MCPH1: variants seen among roughly 807,000 people sequenced by gnomAD.
MCPH1 encodes the protein microcephalin.
In MCPH1, 104 loss-of-function variants were observed where a neutral mutation model predicts 84.5. The ratio of observed to expected loss-of-function variants is 1.23; its 90% CI spans 1.05 to 1.45. The LOEUF (loss-of-function observed/expected upper bound fraction) is 1.45. Ranked by LOEUF, MCPH1 falls within the 40% of genes most tolerant of loss-of-function variation. The pLI is 0.00. For missense variants in MCPH1, 1,498 were observed against 1,005.7 expected, an observed-to-expected ratio of 1.49 and a Z score of -6.62; for synonymous variants, 514 against 366.8, an observed-to-expected ratio of 1.40 and a Z score of -4.58.
intron 12 of MCPH1, among the ~76,000 whole-genome samples, chr8:6,590,060 A>G (rs1357197468): frequency 6.6e-6 from 1 of 152,208 alleles, no homozygotes; most frequent in Non-Finnish European, 1.5e-5. Context: ...GCACATTAGC[A>G]CGTTCTTTAT....
At chr8:6,566,954 G>A (rs1189207121) in intron 12 of MCPH1, among the ~76,000 whole-genome samples, 6 of 140,872 alleles carry the variant, frequency 4.3e-5, no homozygotes, top group South Asian at 4.6e-4. Context: ...GTGTGTGATC[G>A]GCAAGGCCAT....
At chr8:6,479,092 T>C (rs1490644969) in intron 10 of MCPH1, among the ~76,000 whole-genome samples, 2 of 152,002 alleles carry the variant, frequency 1.3e-5, no homozygotes, top group Non-Finnish European at 2.9e-5. Flanking sequence ...TAGCAAAACC[T>C]TGTGTCTACA....
At chr8:6,563,218 C>G (rs916446658) in intron 12 of MCPH1, 5 of 272,554 alleles carry the variant, frequency 1.8e-5, no homozygotes, top group African/African-American at 1.1e-4. Flanking sequence ...TCCTTTGTTC[C>G]TCTCTCCCCA....
At chr8:6,629,635 C>T (rs749779086) in intron 13 of MCPH1, among the ~76,000 whole-genome samples, 9 of 152,160 alleles carry the variant, frequency 5.9e-5, no homozygotes, top group Non-Finnish European at 1.0e-4. Flanking sequence ...ACTTCCTGCC[C>T]TCCAGAACTG....
intron 12 of MCPH1, among the ~76,000 whole-genome samples, chr8:6,580,574 C>T (rs1827484985): frequency 6.6e-6 from 1 of 152,158 alleles, no homozygotes; most frequent in African/African-American, 2.4e-5. Context: ...ATTGCTTAAA[C>T]CGGGAGGCAG....
intron 8 of MCPH1, among the ~76,000 whole-genome samples, chr8:6,450,903 C>A (rs756384372): frequency 6.6e-6 from 1 of 152,060 alleles, no homozygotes; most frequent in Non-Finnish European, 1.5e-5. Context: ...CCACCACACT[C>A]GGCTACGTTC....
In MCPH1 at chr8:6,445,032, C is replaced by G. The variant is rs771097532; in HGVS notation, c.1310C>G (p.Ser437Ter). 1.2e-6 allele frequency: 2 copies of G among 1,614,174 alleles called. No homozygotes were observed. Among genetic ancestry groups the G allele is most frequent in the Non-Finnish European group, 1.7e-6 (2 of 1,180,016 alleles). ...CTTCCTCCTGAATCTCAGCTGCCAT[C>G]AAGCCCTGCTCAGTTGAGCTGCAGA... ...ENLPPESQLP[S>*]SPAQLSCRSL... Residue 437 changes from serine to a stop codon, truncating the protein, a stop_gained, in exon 8 of 14, where the codon TCA becomes TGA. Coordinates refer to ENST00000344683, the MANE Select transcript of MCPH1 (RefSeq NM_024596.5). LOFTEE classifies it high-confidence loss of function.
intron 13 of MCPH1, among the ~76,000 whole-genome samples, chr8:6,639,127 A>G (rs1229749388): frequency 6.6e-6 from 1 of 152,130 alleles, no homozygotes; most frequent in East Asian, 1.9e-4. Flanking sequence ...CCACCACGAT[A>G]AATACGTGGA....
In MCPH1 at chr8:6,645,431, T is replaced by A. The variant is rs186084502; in HGVS notation, c.*2382T>A. The A allele has an allele frequency of 1.9e-4, 29 of 151,968 alleles. No homozygotes were observed. The highest frequency in any genetic ancestry group is 2.4e-4 in the Non-Finnish European group (16 of 67,944). The allele number at this position is 151,968 out of a possible 1,614,324, so 9.4% of individuals were successfully genotyped here. A position where few individuals can be genotyped will look rare whatever the true frequency, so the allele number is the denominator to read the frequency against. Reference sequence around the variant, plus strand: ...TAGAGGTTCTCAGGATTCTGAATTTTAAAAAAAATTTGTAAAGGCTTATGG... The same window carrying A: ...TAGAGGTTCTCAGGATTCTGAATTTAAAAAAAAATTTGTAAAGGCTTATGG... On this transcript the variant is annotated 3_prime_UTR_variant, in exon 14 of 14. Coordinates refer to ENST00000344683, the MANE Select transcript of MCPH1 (RefSeq NM_024596.5).
intron 9 of MCPH1, among the ~76,000 whole-genome samples, chr8:6,476,597 C>G (rs976535619): frequency 9.9e-5 from 15 of 152,144 alleles, no homozygotes; most frequent in African/African-American, 3.6e-4. Context: ...AAATCAGATT[C>G]TGTTATCTTT....
chr8:6,447,005 C>T, intron 8 of MCPH1: 2 of 205,968 alleles, frequency 9.7e-6, no homozygotes, highest in Non-Finnish European at 6.1e-6. Context: ...GGCCATCAGG[C>T]AGGGGTGTCC....
chr8:6,480,962 G>T, intron 11 of MCPH1, 86 bp downstream of exon 11: 3 of 1,473,146 alleles, frequency 2.0e-6, no homozygotes, highest in South Asian at 2.3e-5. Context: ...CAGCACTCAG[G>T]CCGGCGTGCA....
intron 10 of MCPH1, among the ~76,000 whole-genome samples, chr8:6,479,584 G>A (rs950498117): frequency 6.6e-6 from 1 of 151,806 alleles, no homozygotes; most frequent in Non-Finnish European, 1.5e-5. Context: ...ACAGGCACCC[G>A]CGACCACGCC....
intron 12 of MCPH1, among the ~76,000 whole-genome samples, chr8:6,566,475 C>T (rs371685658): frequency 2.4e-4 from 37 of 152,276 alleles, no homozygotes; most frequent in East Asian, 1.4e-3. Flanking sequence ...CGCCGTGCAG[C>T]GACCGTGTGT....
chr8:6,621,836 C>A, intron 13 of MCPH1, 145 bp downstream of exon 13: 3 of 1,081,954 alleles, frequency 2.8e-6, no homozygotes, highest in Non-Finnish European at 4.2e-6. Context: ...GCCCTGGCAG[C>A]GTCGTGTGGT....
chr8:6,441,156 A>G (rs189681317), intron 6 of MCPH1, among the ~76,000 whole-genome samples: 1 of 152,374 alleles, frequency 6.6e-6, no homozygotes, highest in Non-Finnish European at 1.5e-5. Flanking sequence ...CTGTCCTGAT[A>G]AAATCAAAGT....
rs541161113 is a variant in MCPH1 at position 6,561,470 on chromosome 8, A to C, written c.2215-59984A>C. Among the ~76,000 whole-genome samples the C allele has an allele frequency of 8.5e-5, 13 of 152,356 alleles. No homozygotes were observed. The South Asian group carries it at 2.7e-3, about 32-fold the overall frequency. On this transcript the variant is annotated intron_variant, in intron 12 of 13. Transcript: ENST00000344683. ...AATGAGGAGCACCGATTAGGCTCCA[A>C]GATCCGTTCTGAGATTCAGATAAGG...
intron 12 of MCPH1, among the ~76,000 whole-genome samples, chr8:6,536,510 G>A (rs1056171893): frequency 3.3e-5 from 5 of 152,006 alleles, no homozygotes; most frequent in Non-Finnish European, 7.3e-5. Flanking sequence ...TCAGTGGAGG[G>A]CCATTTTTAC....
intron 6 of MCPH1, among the ~76,000 whole-genome samples, chr8:6,441,095 C>T (rs1306060225): frequency 6.6e-6 from 1 of 152,134 alleles, no homozygotes; most frequent in East Asian, 1.9e-4. Context: ...GGTCATATGG[C>T]CACCCCTTTT....
Sources: gnomAD v4.1 joint callset for allele counts (sites outside exome capture counted in the v4.1 genomes callset) on GRCh38, gnomAD v4.1.1 for gene constraint, MANE v1.5 for transcripts, NCBI Gene and HGNC (gene_info 2026-07-23, HGNC 2026-07-21) for gene names.